PTPRH: variants seen among roughly 807,000 people sequenced by gnomAD.
The protein encoded by PTPRH is receptor-type tyrosine-protein phosphatase H.
In PTPRH, 113 loss-of-function variants were observed where a neutral mutation model predicts 130.2. The observed-to-expected ratio is 0.87, with a 90% confidence interval of 0.75 to 1.01. PTPRH has a LOEUF of 1.01. Among genes scored for constraint, PTPRH ranks in the 50% least tolerant of loss-of-function variants. The probability of loss-of-function intolerance (pLI) is 0.00; values close to 1 mark genes in which losing one functional copy is unlikely to be tolerated. For missense variants in PTPRH, 1,430 were observed against 1,425.0 expected (o/e 1.00, Z -0.06); for synonymous variants, 556 against 577.9 (o/e 0.96, Z 0.54).
intron 5 of PTPRH, among the ~76,000 whole-genome samples, chr19:55,203,283 C>T (rs1457581602): frequency 3.2e-4 from 46 of 144,910 alleles, no homozygotes; most frequent in African/African-American, 7.2e-4. Flanking sequence ...GCCAAGATTG[C>T]GCCACTGCAC....
At chr19:55,205,877 A>AGTAT (rs2087034989) in intron 3 of PTPRH, among the ~76,000 whole-genome samples, 1 of 152,198 alleles carries the variant, frequency 6.6e-6, no homozygotes, top group African/African-American at 2.4e-5. Flanking sequence ...TGTGTGTGTG[A>AGTAT]GTATATACTT....
At chr19:55,183,239 CAAA>C (rs765527438) in intron 18 of PTPRH, among the ~76,000 whole-genome samples, 3 of 121,752 alleles carry the variant, frequency 2.5e-5, no homozygotes. Context: ...ACTAAAGTAC[CAAA>C]AAAAAAAAAA....
chr19:55,198,872 G>T lies in PTPRH; in HGVS notation c.1461C>A (p.Thr487=), dbSNP rs777166844. Residue 487 remains threonine (T), a synonymous_variant, in exon 8 of 20, where the codon ACC becomes ACA. Transcript: ENST00000376350. ...TCCAGCGCAAAGCAATGGTGCTGTT[G>T]GTCCAGTCCTGCTTGCTGAGGCTTG... The part of the protein sequence containing the change: ...AVTSLSKQDW[T]NSTIALRWTA... 6 of 1,546,008 alleles carry T rather than the reference G, an allele frequency of 3.9e-6. No homozygotes were observed. The South Asian group carries it at 6.2e-5, about 16-fold the overall frequency.
In PTPRH at chr19:55,181,830, T is replaced by C. The variant is rs2086181114; in HGVS notation, c.3272A>G (p.Glu1091Gly). 1 of 1,614,018 alleles carries C rather than the reference T, an allele frequency of 6.2e-7. No homozygotes were observed. Among genetic ancestry groups the C allele is most frequent in the African/African-American group, 1.3e-5 (1 of 74,910 alleles). ...QQSAQAPAEK[E>G]VPYEDVENLI... Reference sequence around the variant, plus strand: ...GTTTTCGACATCCTCATACGGGACTTCCTTCTCGGCTGGGGCCTGGGCTGA... The same window carrying C: ...GTTTTCGACATCCTCATACGGGACTCCCTTCTCGGCTGGGGCCTGGGCTGA... Residue 1091 changes from glutamate (E) to glycine (G), a missense_variant, in exon 20 of 20, where the codon GAA (glutamate) becomes GGA (glycine). Coordinates refer to ENST00000376350, the MANE Select transcript of PTPRH (RefSeq NM_002842.5).
intron 8 of PTPRH, 133 bp downstream of exon 8, chr19:55,198,510 G>A: frequency 1.0e-6 from 1 of 994,288 alleles, no homozygotes; most frequent in Non-Finnish European, 1.4e-6. Flanking sequence ...GGGACCTACA[G>A]GTTTAAGCTC....
intron 10 of PTPRH, among the ~76,000 whole-genome samples, chr19:55,195,188 G>C (rs1308021589): frequency 4.6e-5 from 7 of 152,158 alleles, no homozygotes; most frequent in African/African-American, 1.7e-4. Flanking sequence ...AGCTGGGCGT[G>C]GTAGGAGGCG....
At chr19:55,190,824 T>A (rs1321101908) in intron 12 of PTPRH, among the ~76,000 whole-genome samples, 2 of 151,064 alleles carry the variant, frequency 1.3e-5, no homozygotes, top group African/African-American at 4.9e-5. Flanking sequence ...ATATTTTTTA[T>A]GATCTTTTTT....
In PTPRH at chr19:55,187,128, A is replaced by C. The variant is rs2886444; in HGVS notation, c.2566+385T>G. On this transcript the variant is annotated intron_variant, in intron 14 of 19. Coordinates refer to ENST00000376350, the MANE Select transcript of PTPRH (RefSeq NM_002842.5). The stretch of plus-strand genomic sequence containing the variant: ...TGGGAGGCCGAGGCGGGCAGATCAC[A>C]AGGTCAGGAGATCGAGACCATCCTG... Among the ~76,000 whole-genome samples, 5 of 150,910 alleles carry C rather than the reference A, an allele frequency of 3.3e-5. No homozygotes were observed. The South Asian group carries it at 1.0e-3, about 31-fold the overall frequency.
chr19:55,201,898 CT>C (rs753475188), intron 6 of PTPRH, among the ~76,000 whole-genome samples, 157 bp downstream of exon 6: 21 of 152,320 alleles, frequency 1.4e-4, no homozygotes, highest in Non-Finnish European at 2.8e-4. Flanking sequence ...ACATTCATTC[CT>C]TCTTCATCTC....
intron 6 of PTPRH, 100 bp from the exon 7 acceptor site, chr19:55,200,602 A>C: frequency 7.6e-7 from 1 of 1,320,880 alleles, no homozygotes; most frequent in Non-Finnish European, 1.0e-6. Flanking sequence ...GCTCTTGTTC[A>C]ACTGCTGGTG....
At chr19:55,184,302 T>C (rs923382790) in intron 18 of PTPRH, among the ~76,000 whole-genome samples, 2 of 149,390 alleles carry the variant, frequency 1.3e-5, no homozygotes, top group Non-Finnish European at 3.0e-5. Flanking sequence ...AACAAACAAA[T>C]AAATAAATAA....
chr19:55,196,950 G>C (rs2086701731), intron 9 of PTPRH, among the ~76,000 whole-genome samples, 162 bp from the exon 10 acceptor site: 1 of 152,070 alleles, frequency 6.6e-6, no homozygotes, highest in Non-Finnish European at 1.5e-5. Context: ...ACACAAATAA[G>C]TCCTTTTAAA....
At position 55,198,778 on chromosome 19, in the gene PTPRH, C is replaced by T. The variant is rs758400781; in HGVS notation, c.1555G>A (p.Asp519Asn). 6.2e-7 allele frequency: 1 copy of T among 1,613,884 alleles called. No individual in the cohort carries two copies. Among genetic ancestry groups the T allele is most frequent in the Non-Finnish European group, 8.5e-7 (1 of 1,179,878 alleles). Reference sequence around the variant, plus strand: ...CCTGAGGTGCTTTGGGTCCTGGGGTCAGTCATGCCTTCCCTGACCCATGAG... The same window carrying T: ...CCTGAGGTGCTTTGGGTCCTGGGGTTAGTCATGCCTTCCCTGACCCATGAG... ...WVSWVREGMT[D>N]PRTQSTSGTD... The change falls in exon 8 of 20, where the codon GAC (aspartate) becomes AAC (asparagine). Residue 519 changes from aspartate (D) to asparagine (N), a missense_variant. Physicochemically the swap from Asp to Asn is conservative, Grantham distance 23. Transcript: ENST00000376350.
Position 55,195,876 on chromosome 19 carries a change from T to C in PTPRH, c.2257+646A>G, listed in dbSNP as rs559646762. Reference sequence around the variant, plus strand: ...ATGAGCCACTGTGCCCACTCTATGATTGCATTTTAATGAAACGTCCCAGAG... The same window carrying C: ...ATGAGCCACTGTGCCCACTCTATGACTGCATTTTAATGAAACGTCCCAGAG... On this transcript the variant is annotated intron_variant, in intron 10 of 19. Coordinates refer to ENST00000376350, the MANE Select transcript of PTPRH (RefSeq NM_002842.5). 1.5e-4 allele frequency among the ~76,000 whole-genome samples: 23 copies of C among 152,156 alleles called. No individual in the cohort carries two copies. In the East Asian group the frequency reaches 2.3e-3, roughly 15 times the overall value.
chr19:55,195,149 AC>A (rs1028042167), intron 10 of PTPRH, among the ~76,000 whole-genome samples: 2 of 151,900 alleles, frequency 1.3e-5, no homozygotes, highest in African/African-American at 4.8e-5. Context: ...ACATAGCAAA[AC>A]CCCATCTCTA....
intron 10 of PTPRH, among the ~76,000 whole-genome samples, chr19:55,196,288 T>G (rs962848548): frequency 5.3e-5 from 8 of 152,092 alleles, no homozygotes; most frequent in African/African-American, 1.7e-4. Context: ...CTCAGGAGGC[T>G]GAGGCAGGAG....
intron 6 of PTPRH, 98 bp downstream of exon 6, chr19:55,201,958 T>C (rs1406557793): frequency 1.9e-6 from 3 of 1,539,754 alleles, no homozygotes; most frequent in Middle Eastern, 1.7e-4. Flanking sequence ...TGGCTCAATA[T>C]GGCCCAGAGG....
rs760550842 is a variant in PTPRH, at chr19:55,203,987, G to T, written c.681C>A (p.Ser227Arg). The T allele has an allele frequency of 7.4e-6, 12 of 1,614,092 alleles. No homozygotes were observed. In the South Asian group the frequency reaches 1.3e-4, roughly 18 times the overall value. The change falls in exon 5 of 20, where the codon AGC becomes AGA. Residue 227 changes from serine (S) to arginine (R), a missense_variant. Ser to Arg is a moderately radical substitution (Grantham distance 110, BLOSUM62 -1). Transcript: ENST00000376350. Reference sequence around the variant, plus strand: ...GGTCTGTGCCATCGGGGACCTCCCAGCTCAGGGAGATGGAGCTGGTGGTCT... The same window carrying T: ...GGTCTGTGCCATCGGGGACCTCCCATCTCAGGGAGATGGAGCTGGTGGTCT... ...EAQTTSSISL[S>R]WEVPDGTDPQ... is the part of the protein sequence containing the mutation.
intron 14 of PTPRH, among the ~76,000 whole-genome samples, 172 bp downstream of exon 14, chr19:55,187,341 T>C (rs1261887912): frequency 4.5e-5 from 3 of 66,852 alleles, no homozygotes; most frequent in South Asian, 5.9e-4. Context: ...CGAGACTCCG[T>C]CTCAAAAAAA....
Sources: allele counts gnomAD v4.1 joint callset (sites outside exome capture counted in the v4.1 genomes callset), GRCh38; gene constraint gnomAD v4.1.1; transcripts MANE v1.5; gene names NCBI Gene and HGNC (gene_info 2026-07-23, HGNC 2026-07-21).